Variants in UQCC1 observed in about 807,000 individuals in gnomAD.
The protein encoded by UQCC1 is bFGF-repressed Zic-binding protein.
Under a neutral mutation model 48.0 loss-of-function variants are expected in UQCC1, and 38 were observed. The ratio of observed to expected loss-of-function variants is 0.79; its 90% confidence interval spans 0.61 to 1.04. The LOEUF is 1.04. UQCC1 is among the 50% of genes least tolerant of loss of function. UQCC1 has a pLI of 0.00. For synonymous variants in UQCC1, 111 were observed against 129.2 expected, an observed-to-expected ratio of 0.86 and a Z score of 0.95; for missense variants, 368 against 381.8, an observed-to-expected ratio of 0.96 and a Z score of 0.30.
rs377505924 is a variant in UQCC1 at position 35,375,367 on chromosome 20, C to T, written c.334-1111G>A. Among the ~76,000 whole-genome samples the T allele has an allele frequency of 7.2e-5, 11 of 152,098 alleles. No individual in the cohort carries two copies. The East Asian group carries it at 1.5e-3, about 21-fold the overall frequency. ...CCCATAGCAAATTAAAGAATGATTACGTCTCTGATTGTAATTAAGATATTT... is the reference window on the plus strand; with the variant it reads ...CCCATAGCAAATTAAAGAATGATTATGTCTCTGATTGTAATTAAGATATTT... On this transcript the variant is annotated intron_variant, in intron 4 of 9. Transcript: ENST00000374385.
At chr20:35,397,287 T>A (rs910559333) in intron 1 of UQCC1, among the ~76,000 whole-genome samples, 9 of 151,300 alleles carry the variant, frequency 5.9e-5, no homozygotes, top group African/African-American at 2.2e-4. Flanking sequence ...AGGCCGAGGC[T>A]GGCGGATCAC....
At position 35,304,029 on chromosome 20, in the gene UQCC1, A is replaced by G; in HGVS notation, c.806T>C (p.Leu269Pro). ...AGGGCGCCAGCTCACCTCCCCTGTC[A>G]GAAGCAGATCCTCCCCGTTCATGGA... ...LDSMNGEDLLLTGEVSWRPLV... is the reference protein window; with the variant it reads ...LDSMNGEDLLPTGEVSWRPLV... The change falls in exon 10 of 10, where the codon CTG (leucine) becomes CCG (proline). Residue 269 changes from leucine (L) to proline (P), a missense_variant. Physicochemically the swap from Leu to Pro is moderately conservative, Grantham distance 98 (BLOSUM62 -3). Coordinates refer to ENST00000374385, the MANE Select transcript of UQCC1 (RefSeq NM_018244.5). The G allele has an allele frequency of 6.2e-7, 1 of 1,614,160 alleles. No homozygotes were observed. Among genetic ancestry groups the G allele is most frequent in the Non-Finnish European group, 8.5e-7 (1 of 1,180,016 alleles).
chr20:35,378,406 G>GT (rs2146472807), intron 4 of UQCC1, among the ~76,000 whole-genome samples: 1 of 152,240 alleles, frequency 6.6e-6, no homozygotes, highest in South Asian at 2.1e-4. Context: ...GAGGTCAGGA[G>GT]TTCTGAGACC....
At chr20:35,386,728 A>G (rs2061948468) in intron 2 of UQCC1, among the ~76,000 whole-genome samples, 1 of 152,066 alleles carries the variant, frequency 6.6e-6, no homozygotes. Flanking sequence ...CAGCTCTAGG[A>G]GTAACCAGTA....
intron 2 of UQCC1, among the ~76,000 whole-genome samples, chr20:35,385,801 T>C (rs952895108): frequency 1.1e-4 from 16 of 151,894 alleles, no homozygotes; most frequent in African/African-American, 3.4e-4. Flanking sequence ...ACTACAGGCA[T>C]GAGCCTGGGT....
intron 1 of UQCC1, among the ~76,000 whole-genome samples, chr20:35,399,925 CTTTT>C (rs1227064253): frequency 1.7e-5 from 2 of 119,600 alleles, no homozygotes. Context: ...CTACTCAGTC[CTTTT>C]TTTTTTTTTT....
intron 1 of UQCC1, among the ~76,000 whole-genome samples, chr20:35,396,571 G>C (rs1415832776): frequency 6.6e-6 from 1 of 152,110 alleles, no homozygotes; most frequent in African/African-American, 2.4e-5. Flanking sequence ...CCAAAAGGAG[G>C]AGGAAACTAG....
rs566540395 is a variant in UQCC1, at chr20:35,340,693, C to T, written c.573+6471G>A. The stretch of plus-strand genomic sequence containing the variant: ...ATGGGGTCTCCCTACATTGTCCAGG[C>T]TAACTATACCTTTTAATGTGCTCCT... On this transcript the variant is annotated intron_variant, in intron 7 of 9. Transcript: ENST00000374385. Among the ~76,000 whole-genome samples, 16 of 152,292 alleles carry T rather than the reference C, an allele frequency of 1.1e-4. No homozygotes were observed. In the South Asian group the frequency reaches 1.9e-3, roughly 18 times the overall value.
intron 7 of UQCC1, 44 bp from the exon 8 acceptor site, chr20:35,314,809 G>GA (rs374668707): frequency 2.0e-6 from 3 of 1,510,278 alleles, no homozygotes; most frequent in African/African-American, 1.4e-5. Context: ...AAGAAAGAAA[G>GA]AAAAAAACCC....
At chr20:35,408,232 C>G (rs765033379) in intron 1 of UQCC1, among the ~76,000 whole-genome samples, 1 of 152,104 alleles carries the variant, frequency 6.6e-6, no homozygotes, top group South Asian at 2.1e-4. Flanking sequence ...AATTTGAGAC[C>G]AGCCTGGGCA....
rs367945377 is a variant in UQCC1, at chr20:35,347,438, T to C, written c.465-166A>G. Among the ~76,000 whole-genome samples the C allele has an allele frequency of 2.0e-4, 30 of 152,168 alleles. 2 individuals are homozygous for C. The South Asian group carries it at 6.0e-3, about 31-fold the overall frequency. ...TTTTACTGAGATATAACAAAGATAC[T>C]ATTAAGTGTATAAATCTTAAGTGTA... On this transcript the variant is annotated intron_variant, in intron 6 of 9. Transcript: ENST00000374385.
chr20:35,311,781 G>A (rs905830934), intron 8 of UQCC1, among the ~76,000 whole-genome samples: 4 of 152,152 alleles, frequency 2.6e-5, no homozygotes, highest in Non-Finnish European at 5.9e-5. Flanking sequence ...GAATCTTTGG[G>A]GGACAGGGCC....
At chr20:35,397,648 T>C (rs578088622) in intron 1 of UQCC1, among the ~76,000 whole-genome samples, 2 of 152,256 alleles carry the variant, frequency 1.3e-5, no homozygotes, top group East Asian at 3.9e-4. Flanking sequence ...ACCTATATTG[T>C]ATTAAATGTA....
intron 8 of UQCC1, among the ~76,000 whole-genome samples, chr20:35,309,435 G>GA (rs572365364): frequency 0.05 from 7,105 of 143,190 alleles, 256 homozygotes; most frequent in African/African-American, 0.1. Context: ...CCTGTCTTAG[G>GA]AAAAAAAAAA....
chr20:35,355,253 T>G (rs914016371), intron 6 of UQCC1, among the ~76,000 whole-genome samples: 2 of 152,214 alleles, frequency 1.3e-5, no homozygotes, highest in Non-Finnish European at 2.9e-5. Flanking sequence ...TATAAAACTC[T>G]ACCGCAAATC....
At chr20:35,371,982 C>A (rs2061738075) in intron 5 of UQCC1, among the ~76,000 whole-genome samples, 1 of 151,988 alleles carries the variant, frequency 6.6e-6, no homozygotes, top group Non-Finnish European at 1.5e-5. Flanking sequence ...GCCACTGATT[C>A]CAGCCTAGGT....
At chr20:35,307,473 A>C (rs115714194) in intron 8 of UQCC1, among the ~76,000 whole-genome samples, 2,830 of 152,266 alleles carry the variant, frequency 0.019, 101 homozygotes, top group African/African-American at 0.064. Context: ...ATTACAGAGC[A>C]AAATAAGAGC....
intron 4 of UQCC1, among the ~76,000 whole-genome samples, chr20:35,380,149 C>T (rs1029073438): frequency 1.3e-5 from 2 of 151,906 alleles, no homozygotes; most frequent in African/African-American, 4.8e-5. Flanking sequence ...TTCTAATTTT[C>T]AAACAAAACA....
intron 2 of UQCC1, among the ~76,000 whole-genome samples, chr20:35,388,921 C>G (rs1312039122): frequency 6.6e-6 from 1 of 151,964 alleles, no homozygotes; most frequent in East Asian, 1.9e-4. Context: ...TAAAAATTAG[C>G]TGGGCGTGGT....
Sources: gnomAD v4.1 joint callset for allele counts (sites outside exome capture counted in the v4.1 genomes callset) on GRCh38, gnomAD v4.1.1 for gene constraint, MANE v1.5 for transcripts, NCBI Gene and HGNC (gene_info 2026-07-23, HGNC 2026-07-21) for gene names.